Variants in GRM8 observed in about 807,000 individuals in gnomAD.
The protein encoded by GRM8 is glutamate metabotropic receptor 8.
GRM8 carries 47 observed loss-of-function variants against 87.2 expected under a neutral mutation model. The observed-to-expected ratio is 0.54, with a 90% CI of 0.43 to 0.69. The LOEUF (loss-of-function observed/expected upper bound fraction) is 0.69. Ranked by LOEUF, GRM8 falls within the 30% of genes least tolerant of loss-of-function variation. The pLI is 0.00. For missense variants in GRM8, 1,019 were observed against 1,139.2 expected (o/e 0.89, Z 1.52); for synonymous variants, 396 against 404.5 (o/e 0.98, Z 0.25).
intron 3 of GRM8, among the ~76,000 whole-genome samples, chr7:126,990,334 TA>T (rs377180747): frequency 0.057 from 8,134 of 142,434 alleles, 310 homozygotes; most frequent in African/African-American, 0.11. Context: ...CTTTCATGAT[TA>T]AAAAAAAAAA....
chr7:126,594,794 C>T lies in GRM8; in HGVS notation c.1494+14568G>A, dbSNP rs368548788. ...TTAGCTAGATTTAAGCATTCCACAA[C>T]GTATATATACTTCAAAACATCATGT... On this transcript the variant is annotated intron_variant, in intron 8 of 10. Transcript: ENST00000339582. Among the ~76,000 whole-genome samples the T allele has an allele frequency of 5.3e-5, 8 of 152,150 alleles. No homozygotes were observed. In the South Asian group the frequency reaches 8.3e-4, roughly 16 times the overall value.
chr7:126,459,731 T>C (rs1224986922), intron 9 of GRM8, among the ~76,000 whole-genome samples: 1 of 151,448 alleles, frequency 6.6e-6, no homozygotes. Flanking sequence ...CTGGGGAGCC[T>C]GGATATTTGC....
intron 3 of GRM8, among the ~76,000 whole-genome samples, chr7:126,928,407 C>T (rs1805371321): frequency 6.6e-6 from 1 of 152,138 alleles, no homozygotes; most frequent in African/African-American, 2.4e-5. Flanking sequence ...CATGGTAACT[C>T]ACACCTGTAA....
At chr7:126,846,082 T>C (rs1796690926) in intron 6 of GRM8, among the ~76,000 whole-genome samples, 1 of 152,060 alleles carries the variant, frequency 6.6e-6, no homozygotes, top group Non-Finnish European at 1.5e-5. Context: ...TTCCAAATAT[T>C]GTACACATAT....
chr7:126,815,687 T>C (rs1012336708), intron 6 of GRM8, among the ~76,000 whole-genome samples: 1 of 152,152 alleles, frequency 6.6e-6, no homozygotes, highest in Non-Finnish European at 1.5e-5. Flanking sequence ...GAAATTTTTC[T>C]CACAGCCTGA....
At chr7:126,882,217 T>C (rs1026741013) in intron 6 of GRM8, among the ~76,000 whole-genome samples, 12 of 152,280 alleles carry the variant, frequency 7.9e-5, no homozygotes, top group South Asian at 2.1e-4. Flanking sequence ...GTTTTTTTTT[T>C]CCCTGTCAGT....
At chr7:126,904,514 C>A in intron 4 of GRM8, 34 bp downstream of exon 4, 1 of 1,596,968 alleles carries the variant, frequency 6.3e-7, no homozygotes, top group South Asian at 1.1e-5. Context: ...GGACACAAAT[C>A]TGACCCTACA....
chr7:126,907,403 T>C (rs1034278034), intron 3 of GRM8, among the ~76,000 whole-genome samples: 6 of 152,026 alleles, frequency 3.9e-5, no homozygotes, highest in African/African-American at 1.2e-4. Context: ...TTATAAATTA[T>C]AATAAGCCCT....
intron 3 of GRM8, among the ~76,000 whole-genome samples, chr7:127,021,394 C>T (rs1816253068): frequency 6.7e-6 from 1 of 148,276 alleles, no homozygotes; most frequent in African/African-American, 2.5e-5. Flanking sequence ...CAAGCCTAAA[C>T]TGTTGTTTTC....
chr7:126,733,035 A>G (rs1265379791), intron 7 of GRM8, among the ~76,000 whole-genome samples: 1 of 151,988 alleles, frequency 6.6e-6, no homozygotes. Context: ...ATCAGCTATC[A>G]TTAGTGTTAG....
chr7:126,945,517 G>A (rs552760559), intron 3 of GRM8, among the ~76,000 whole-genome samples: 17 of 152,230 alleles, frequency 1.1e-4, no homozygotes, highest in African/African-American at 2.6e-4. Context: ...AAACACAGTC[G>A]AAACTTTGTT....
intron 8 of GRM8, among the ~76,000 whole-genome samples, chr7:126,609,081 C>A (rs954167130): frequency 6.6e-6 from 1 of 152,102 alleles, no homozygotes; most frequent in Non-Finnish European, 1.5e-5. Context: ...AAGATTACAA[C>A]AAATGACTCT....
chr7:126,621,763 C>T (rs1460702523), intron 7 of GRM8, among the ~76,000 whole-genome samples: 2 of 152,000 alleles, frequency 1.3e-5, no homozygotes, highest in African/African-American at 4.8e-5. Flanking sequence ...CATCTTGACA[C>T]ATACTATCAT....
At chr7:126,459,152 G>A (rs1041848861) in intron 9 of GRM8, among the ~76,000 whole-genome samples, 5 of 151,272 alleles carry the variant, frequency 3.3e-5, no homozygotes, top group Admixed American at 2.0e-4. Flanking sequence ...AAAATAAGAT[G>A]TAAGTACCAG....
intron 6 of GRM8, among the ~76,000 whole-genome samples, chr7:126,787,059 A>T (rs986647898): frequency 6.6e-6 from 1 of 152,180 alleles, no homozygotes; most frequent in Non-Finnish European, 1.5e-5. Flanking sequence ...TTGCTTTTGC[A>T]GTTCTAGATC....
chr7:127,245,237 G>A (rs1365383554), intron 1 of GRM8, among the ~76,000 whole-genome samples: 4 of 152,232 alleles, frequency 2.6e-5, no homozygotes, highest in African/African-American at 9.6e-5. Flanking sequence ...AGGAAAACCA[G>A]TCACATGATA....
chr7:126,801,559 G>A (rs544645934), intron 6 of GRM8, among the ~76,000 whole-genome samples: 1 of 67,724 alleles, frequency 1.5e-5, no homozygotes, highest in Non-Finnish European at 5.0e-5. Context: ...TATGTGGCTG[G>A]TATTTAATAG....
intron 8 of GRM8, among the ~76,000 whole-genome samples, chr7:126,554,335 T>C (rs1452398844): frequency 6.6e-6 from 1 of 151,836 alleles, no homozygotes; most frequent in African/African-American, 2.4e-5. Context: ...ATCCCAGCAC[T>C]TTGGGAGGCT....
At chr7:126,957,751 C>G (rs1259766031) in intron 3 of GRM8, among the ~76,000 whole-genome samples, 3 of 152,182 alleles carry the variant, frequency 2.0e-5, no homozygotes, top group African/African-American at 7.2e-5. Flanking sequence ...AGGCACCCCT[C>G]GGCATGAATA....
Sources: gnomAD v4.1 joint callset for allele counts (sites outside exome capture counted in the v4.1 genomes callset) on GRCh38, gnomAD v4.1.1 for gene constraint, MANE v1.5 for transcripts, NCBI Gene and HGNC (gene_info 2026-07-23, HGNC 2026-07-21) for gene names.